Variants in CREB3L1 observed in about 807,000 individuals in gnomAD.
The protein encoded by CREB3L1 is cAMP responsive element binding protein 3 like 1.
CREB3L1 carries 33 observed loss-of-function variants against 54.5 expected under a neutral mutation model. That is an observed-to-expected ratio of 0.61 (90% confidence interval 0.46 to 0.81). CREB3L1 has a LOEUF of 0.81. Ranked by LOEUF, CREB3L1 falls within the 30% of genes least tolerant of loss-of-function variation. The pLI, the probability that CREB3L1 is intolerant of heterozygous loss-of-function variation, is 0.00. For synonymous variants in CREB3L1, 284 were observed against 286.4 expected, an observed-to-expected ratio of 0.99 and a Z score of 0.08; for missense variants, 656 against 673.3, an observed-to-expected ratio of 0.97 and a Z score of 0.29.
At chr11:46,294,962 G>A (rs746746507) in intron 1 of CREB3L1, among the ~76,000 whole-genome samples, 8 of 152,026 alleles carry the variant, frequency 5.3e-5, no homozygotes, top group Non-Finnish European at 1.0e-4. Context: ...GAATGTCCGG[G>A]CTCAGGATTC....
At position 46,312,926 on chromosome 11, in the gene CREB3L1, A is replaced by G. The variant is rs1449491120; in HGVS notation, c.1031+7A>G. 23 of 1,573,906 alleles carry G rather than the reference A, an allele frequency of 1.5e-5. No homozygotes were observed. Among genetic ancestry groups the G allele is most frequent in the Non-Finnish European group, 2.0e-5 (23 of 1,159,538 alleles). On this transcript the variant is annotated splice_region_variant and intron_variant, in intron 8 of 11. Transcript: ENST00000621158. ...CCCTGGAGAATGCCAACAGGTGGGT[A>G]GTGCCTCCTGCATCCAACCTGGCCC...
chr11:46,300,562 G>A (rs576833784), intron 2 of CREB3L1, among the ~76,000 whole-genome samples: 1 of 152,342 alleles, frequency 6.6e-6, no homozygotes, highest in East Asian at 1.9e-4. Flanking sequence ...AGGAGACAGT[G>A]GGGGTAATTC....
At position 46,307,951 on chromosome 11, in the gene CREB3L1, C is replaced by G. The variant is rs1184874627; in HGVS notation, c.467C>G (p.Thr156Ser). The G allele has an allele frequency of 5.1e-6, 8 of 1,567,210 alleles. No homozygotes were observed. The highest frequency in any genetic ancestry group is 1.9e-5 in the Admixed American group (1 of 53,214). ...AMAAAAAMAT[T>S]PLLGLSPLSR... ...GCTGCCGCGGCCGCCATGGCCACCACCCCGCTGCTGGGCCTCAGCCCCTTG... is the reference window on the plus strand; with the variant it reads ...GCTGCCGCGGCCGCCATGGCCACCAGCCCGCTGCTGGGCCTCAGCCCCTTG... The change falls in exon 3 of 12, where the codon ACC becomes AGC. Residue 156 changes from threonine to serine, a missense_variant. This residue lies in a region of CREB3L1 where 339 missense variants were observed against 331.5 expected (regional missense o/e 1.02). Coordinates refer to ENST00000621158, the MANE Select transcript of CREB3L1 (RefSeq NM_052854.4).
At chr11:46,306,459 G>A (rs1427159293) in intron 2 of CREB3L1, among the ~76,000 whole-genome samples, 5 of 151,754 alleles carry the variant, frequency 3.3e-5, no homozygotes. Flanking sequence ...ACTCATGATG[G>A]CACCACTGCA....
Position 46,312,606 on chromosome 11 carries a change from C to G in CREB3L1, c.904-6C>G. The G allele has an allele frequency of 6.2e-7, 1 of 1,611,282 alleles. No homozygotes were observed. Among genetic ancestry groups the G allele is most frequent in the South Asian group, 1.1e-5 (1 of 90,548 alleles). On this transcript the variant is annotated splice_region_variant and splice_polypyrimidine_tract_variant and intron_variant, in intron 6 of 11. Transcript: ENST00000621158. ...CTAACCCTTGTTTTCGGGCCTCCCC[C>G]TCTAGATCTCAGCCCAGGAGAGCCG...
intron 1 of CREB3L1, among the ~76,000 whole-genome samples, chr11:46,285,436 A>T (rs966438183): frequency 6.6e-6 from 1 of 151,872 alleles, no homozygotes; most frequent in Non-Finnish European, 1.5e-5. Context: ...AGGATTGGGG[A>T]ATGTGTGGGG....
intron 1 of CREB3L1, among the ~76,000 whole-genome samples, chr11:46,285,578 C>T (rs111480849): frequency 3.9e-5 from 6 of 152,332 alleles, no homozygotes; most frequent in African/African-American, 7.2e-5. Context: ...CACCTAGACA[C>T]ACCATATTGT....
Position 46,320,929 on chromosome 11 carries a change from T to G in CREB3L1, c.*183T>G, listed in dbSNP as rs1456394413. 1 of 725,460 alleles carries G rather than the reference T, an allele frequency of 1.4e-6. No homozygotes were observed. The highest frequency in any genetic ancestry group is 1.5e-5 in the South Asian group (1 of 67,252). 44.9% of individuals were successfully genotyped at this position (725,460 alleles called of 1,614,324 possible). A position where few individuals can be genotyped will look rare whatever the true frequency, so the allele number is the denominator to read the frequency against. ...GACTCTTCCCTTGGGCCGACCACTC[T>G]GTTCTCATTCTCCTTCCCACCAACA... is the stretch of plus-strand genomic sequence containing the variant. On this transcript the variant is annotated 3_prime_UTR_variant, in exon 12 of 12. Coordinates refer to ENST00000621158, the MANE Select transcript of CREB3L1 (RefSeq NM_052854.4).
Position 46,277,811 on chromosome 11 carries a change from G to C in CREB3L1, c.-301G>C, listed in dbSNP as rs1938895464. ...CTGAAGCCCTCAGCCCCAACCCCGG[G>C]CTCCCCATGGAAGCCAGCTGTGCCC... On this transcript the variant is annotated 5_prime_UTR_variant, in exon 1 of 12. Coordinates refer to ENST00000621158, the MANE Select transcript of CREB3L1 (RefSeq NM_052854.4). 4 of 303,598 alleles carry C rather than the reference G, an allele frequency of 1.3e-5. No homozygotes were observed. The highest frequency in any genetic ancestry group is 1.8e-5 in the Non-Finnish European group (3 of 164,590). The allele number at this position is 303,598 out of a possible 1,614,324, so 18.8% of individuals were successfully genotyped here. A position where few individuals can be genotyped will look rare whatever the true frequency, so the allele number is the denominator to read the frequency against.
chr11:46,303,620 G>A (rs1429189385), intron 2 of CREB3L1, among the ~76,000 whole-genome samples: 2 of 152,120 alleles, frequency 1.3e-5, no homozygotes, highest in Non-Finnish European at 2.9e-5. Context: ...CTCCAGCCTG[G>A]ATGACAGAGT....
rs1403584606 is a variant in CREB3L1, at chr11:46,278,912, CG to C, written c.102+700del. On this transcript the variant is annotated intron_variant, in intron 1 of 11. Transcript: ENST00000621158. This position sits in a 1 kb window ranked among gnomAD's most constrained non-coding sequence, Gnocchi z 4.2. Reference sequence around the variant, plus strand: ...CTCCCTATGTCTTCTTGACTAGGTCCGACTGTGAGCTTGTCTTTCTCCTCTT... The same window carrying C: ...CTCCCTATGTCTTCTTGACTAGGTCCACTGTGAGCTTGTCTTTCTCCTCTT... Among the ~76,000 whole-genome samples, 2 of 152,156 alleles carry C rather than the reference CG, an allele frequency of 1.3e-5. No homozygotes were observed. Among genetic ancestry groups the C allele is most frequent in the Non-Finnish European group, 1.5e-5 (1 of 68,026 alleles).
Position 46,320,403 on chromosome 11 carries a change from C to T in CREB3L1, c.1398C>T (p.His466=), listed in dbSNP as rs995944617. 1.2e-6 allele frequency: 2 copies of T among 1,611,116 alleles called. No homozygotes were observed. Among genetic ancestry groups the T allele is most frequent in the Non-Finnish European group, 1.7e-6 (2 of 1,178,820 alleles). ...GGPAEQRPRD[H]LQHDHLDSTH... is the part of the protein sequence containing the mutation. ...CGGCAGAGCAGCGGCCCCGGGACCACCTGCAGCATGATCACCTGGACAGCA... is the reference window on the plus strand; with the variant it reads ...CGGCAGAGCAGCGGCCCCGGGACCATCTGCAGCATGATCACCTGGACAGCA... Residue 466 remains histidine, a synonymous_variant, in exon 11 of 12, where the codon CAC becomes CAT. Coordinates refer to ENST00000621158, the MANE Select transcript of CREB3L1 (RefSeq NM_052854.4).
At chr11:46,282,111 C>A (rs1938985623) in intron 1 of CREB3L1, among the ~76,000 whole-genome samples, 1 of 152,048 alleles carries the variant, frequency 6.6e-6, no homozygotes, top group Admixed American at 6.5e-5. Context: ...TGCCTAACAA[C>A]CGTTGATGAA....
Position 46,312,643 on chromosome 11 carries a change from A to G in CREB3L1, c.935A>G (p.Lys312Arg). The change falls in exon 7 of 12, where the codon AAG becomes AGG. Residue 312 changes from lysine (K) to arginine (R), a missense_variant. By Grantham distance (26) the Lys-to-Arg change is conservative. Around this residue, in one of 3 missense-constraint regions of CREB3L1, gnomAD observed 77 missense variants for 122.0 expected, o/e 0.63. Coordinates refer to ENST00000621158, the MANE Select transcript of CREB3L1 (RefSeq NM_052854.4). ...GCCCAGGAGAGCCGTCGTAAGAAGAAGGAGTATGTGGAGTGTCTAGAAAAG... is the reference window on the plus strand; with the variant it reads ...GCCCAGGAGAGCCGTCGTAAGAAGAGGGAGTATGTGGAGTGTCTAGAAAAG... ...ISAQESRRKK[K>R]EYVECLEKKV... 5 of 1,611,426 alleles carry G rather than the reference A, an allele frequency of 3.1e-6. No individual in the cohort carries two copies. The highest frequency in any genetic ancestry group is 4.2e-6 in the Non-Finnish European group (5 of 1,178,656).
At chr11:46,306,674 T>G (rs910469513) in intron 2 of CREB3L1, among the ~76,000 whole-genome samples, 3 of 152,178 alleles carry the variant, frequency 2.0e-5, no homozygotes, top group Non-Finnish European at 4.4e-5. Flanking sequence ...TATGCTAAAC[T>G]GCTTGTGACT....
rs1939196180 is a variant in CREB3L1, at chr11:46,295,569, G to A, written c.103-4366G>A. ...CAGTGCACCCTGCGCTCCCTCAGCC[G>A]CGGGCCGTCGGCGCAGGCCGGGACC... On this transcript the variant is annotated intron_variant, in intron 1 of 11. Coordinates refer to ENST00000621158, the MANE Select transcript of CREB3L1 (RefSeq NM_052854.4). The surrounding 1 kb of genome is among the most constrained non-coding windows in gnomAD (Gnocchi z 4.6). 6.6e-6 allele frequency among the ~76,000 whole-genome samples: 1 copy of A among 152,226 alleles called. No individual in the cohort carries two copies. The highest frequency in any genetic ancestry group is 2.4e-5 in the African/African-American group (1 of 41,470).
chr11:46,317,387 G>A lies in CREB3L1; in HGVS notation c.1158G>A (p.Val386=). 6.2e-7 allele frequency: 1 copy of A among 1,613,944 alleles called. No homozygotes were observed. Among genetic ancestry groups the A allele is most frequent in the South Asian group, 1.1e-5 (1 of 91,088 alleles). ...TGGCAGCCTTGTGCTTTGTTCTGGT[G>A]CTGGGCTCCCTCGTGCCCTGCCTTC... ...LMVAALCFVL[V]LGSLVPCLPE... Residue 386 remains valine, a synonymous_variant, in exon 10 of 12, where the codon GTG becomes GTA. Transcript: ENST00000621158.
At chr11:46,292,553 G>A (rs1405053406) in intron 1 of CREB3L1, among the ~76,000 whole-genome samples, 1 of 152,180 alleles carries the variant, frequency 6.6e-6, no homozygotes, top group Non-Finnish European at 1.5e-5. Context: ...GTAGTAGGGA[G>A]CCATGATTCA....
chr11:46,292,428 G>A (rs1029491485), intron 1 of CREB3L1, among the ~76,000 whole-genome samples: 3 of 152,182 alleles, frequency 2.0e-5, no homozygotes, highest in Non-Finnish European at 2.9e-5. Flanking sequence ...CACTGTGTGC[G>A]GGGACCAATG....
Sources: allele counts gnomAD v4.1 joint callset (sites outside exome capture counted in the v4.1 genomes callset), GRCh38; gene constraint gnomAD v4.1.1; regional missense constraint gnomAD v4.1.1; non-coding constraint Gnocchi (gnomAD v3.1); transcripts MANE v1.5; gene names NCBI Gene and HGNC (gene_info 2026-07-23, HGNC 2026-07-21).